IQCH: variants seen among roughly 807,000 people sequenced by gnomAD.
IQCH encodes IQ domain-containing protein H.
Under a neutral mutation model 117.0 loss-of-function variants are expected in IQCH, and 98 were observed. That is an observed-to-expected ratio of 0.84 (90% CI 0.71 to 0.99). IQCH has a LOEUF of 0.99. Ranked by LOEUF, IQCH falls within the 50% of genes least tolerant of loss-of-function variation. IQCH has a pLI of 0.00. For missense variants in IQCH, 1,102 were observed against 1,243.8 expected (o/e 0.89, Z 1.72); for synonymous variants, 412 against 448.2 (o/e 0.92, Z 1.02).
At chr15:67,322,088 T>C (rs896270529) in intron 4 of IQCH, among the ~76,000 whole-genome samples, 7 of 152,260 alleles carry the variant, frequency 4.6e-5, no homozygotes, top group Non-Finnish European at 1.0e-4. Context: ...AAGATTTGTC[T>C]ATTTTTTCCT....
At chr15:67,318,137 A>G (rs573361639) in intron 4 of IQCH, among the ~76,000 whole-genome samples, 4 of 152,150 alleles carry the variant, frequency 2.6e-5, no homozygotes, top group African/African-American at 9.7e-5. Flanking sequence ...CCACCTAGAG[A>G]TAATTATTAT....
chr15:67,320,225 A>C (rs1968050323), intron 4 of IQCH, among the ~76,000 whole-genome samples: 1 of 152,260 alleles, frequency 6.6e-6, no homozygotes, highest in Non-Finnish European at 1.5e-5. Flanking sequence ...GTAAATGAGG[A>C]CCAAACTTTA....
rs1332215748 is a variant in IQCH, at chr15:67,457,563, G to A, written c.2506-7564G>A. On this transcript the variant is annotated intron_variant, in intron 16 of 20. Transcript: ENST00000335894. This position sits in a 1 kb window ranked among gnomAD's most constrained non-coding sequence, Gnocchi z 5.7. ...CTGCTCCCAACAGTCAGATGGGGAA[G>A]AAGTGGTCAGGACCCAAAACAGATT... is the stretch of plus-strand genomic sequence containing the variant. Among the ~76,000 whole-genome samples the A allele has an allele frequency of 1.3e-5, 2 of 152,222 alleles. No individual in the cohort carries two copies. The highest frequency in any genetic ancestry group is 2.4e-5 in the African/African-American group (1 of 41,446).
Position 67,408,450 on chromosome 15 carries a change from C to T in IQCH, c.2097+8145C>T, listed in dbSNP as rs1449509084. The T allele has an allele frequency of 2.6e-5, 4 of 152,126 alleles. No homozygotes were observed. Among genetic ancestry groups the T allele is most frequent in the Admixed American group, 1.3e-4 (2 of 15,254 alleles). The allele number at this position is 152,126 out of a possible 1,614,324, so 9.4% of individuals were successfully genotyped here. A position where few individuals can be genotyped will look rare whatever the true frequency, so the allele number is the denominator to read the frequency against. On this transcript the variant is annotated intron_variant, in intron 14 of 20. Transcript: ENST00000335894. The surrounding 1 kb of genome is among the most constrained non-coding windows in gnomAD (Gnocchi z 4.2). ...CTGACTTTGGAATTCACTAATTTAC[C>T]GTCCTGGTATTTTCACAAGCATGGT...
At chr15:67,348,794 C>T (rs1349460232) in intron 6 of IQCH, among the ~76,000 whole-genome samples, 1 of 152,146 alleles carries the variant, frequency 6.6e-6, no homozygotes, top group African/African-American at 2.4e-5. Flanking sequence ...GGGCAAGGAG[C>T]TACAATAGCT....
chr15:67,449,000 G>A (rs1325472726), intron 16 of IQCH, among the ~76,000 whole-genome samples: 1 of 151,784 alleles, frequency 6.6e-6, no homozygotes, highest in African/African-American at 2.4e-5. Context: ...TTTCATGTGT[G>A]TTTTGGCTGC....
rs2082153466 is a variant in IQCH at position 67,436,967 on chromosome 15, C to A, written c.2505+15390C>A. Among the ~76,000 whole-genome samples the A allele has an allele frequency of 6.6e-6, 1 of 151,750 alleles. No homozygotes were observed. Among genetic ancestry groups the A allele is most frequent in the Non-Finnish European group, 1.5e-5 (1 of 67,962 alleles). On this transcript the variant is annotated intron_variant, in intron 16 of 20. Transcript: ENST00000335894. The surrounding 1 kb of genome is among the most constrained non-coding windows in gnomAD (Gnocchi z 5.1). Reference sequence around the variant, plus strand: ...CCACCTGATGGTCCTTCCCTATCCACCCTGGTAGCAGAAGACAAAGGGCAT... The same window carrying A: ...CCACCTGATGGTCCTTCCCTATCCAACCTGGTAGCAGAAGACAAAGGGCAT...
chr15:67,393,661 A>G lies in IQCH; in HGVS notation c.1633-1630A>G, dbSNP rs1567151414. Among the ~76,000 whole-genome samples the G allele has an allele frequency of 6.6e-6, 1 of 152,112 alleles. No homozygotes were observed. The highest frequency in any genetic ancestry group is 1.9e-4 in the East Asian group (1 of 5,170). On this transcript the variant is annotated intron_variant, in intron 12 of 20. Coordinates refer to ENST00000335894, the MANE Select transcript of IQCH (RefSeq NM_001031715.3). The surrounding 1 kb of genome is among the most constrained non-coding windows in gnomAD (Gnocchi z 5.5). ...TCAGGCTTTTAGTAGCTGGGACCAC[A>G]GGTGTGTACCACCACATACCTGGCT...
In IQCH at chr15:67,494,651, A is replaced by G. The variant is rs190511245; in HGVS notation, c.2970+285A>G. On this transcript the variant is annotated intron_variant, in intron 20 of 20. Coordinates refer to ENST00000335894, the MANE Select transcript of IQCH (RefSeq NM_001031715.3). This position sits in a 1 kb window ranked among gnomAD's most constrained non-coding sequence, Gnocchi z 5.5. Reference sequence around the variant, plus strand: ...TTCTGATGTTGGACGTGAGTCTGAAATGTCACAATGGAACCAAAACAGAGA... The same window carrying G: ...TTCTGATGTTGGACGTGAGTCTGAAGTGTCACAATGGAACCAAAACAGAGA... Among the ~76,000 whole-genome samples the G allele has an allele frequency of 1.3e-5, 2 of 152,214 alleles. No homozygotes were observed. The highest frequency in any genetic ancestry group is 1.3e-4 in the Admixed American group (2 of 15,278).
At position 67,427,829 on chromosome 15, in the gene IQCH, A is replaced by AT. The variant is rs34065535; in HGVS notation, c.2505+6269dup. Among the ~76,000 whole-genome samples, 13,304 of 141,664 alleles carry AT rather than the reference A, an allele frequency of 0.094. 731 individuals are homozygous for AT. The highest frequency in any genetic ancestry group is 0.17 in the South Asian group (745 of 4,412). 92.9% of individuals were successfully genotyped at this position (141,664 alleles called of 152,430 possible). A position where few individuals can be genotyped will look rare whatever the true frequency, so the allele number is the denominator to read the frequency against. On this transcript the variant is annotated intron_variant, in intron 16 of 20. Coordinates refer to ENST00000335894, the MANE Select transcript of IQCH (RefSeq NM_001031715.3). The surrounding 1 kb of genome is among the most constrained non-coding windows in gnomAD (Gnocchi z 4.7). ...CAAGTAGTCTAAATTCCAATAATAG[A>AT]TTTTTTTTTTTTTTTTTGAAGCAGA... is the stretch of plus-strand genomic sequence containing the variant.
chr15:67,372,596 T>C lies in IQCH; in HGVS notation c.1239T>C (p.Thr413=), dbSNP rs1353978731. Residue 413 remains threonine (T), a synonymous_variant, in exon 9 of 21, where the codon ACT becomes ACC. Transcript: ENST00000335894. ...CTTGGCTGTTATATTGCCATAAGAC[T>C]CGACTAAAGAAGATACTAAAGGAAT... ...AIAWLLYCHK[T]RLKKILKESR... The C allele has an allele frequency of 1.9e-6, 3 of 1,613,944 alleles. No homozygotes were observed. Among genetic ancestry groups the C allele is most frequent in the Admixed American group, 1.7e-5 (1 of 59,990 alleles).
intron 8 of IQCH, among the ~76,000 whole-genome samples, chr15:67,367,611 C>G (rs1970380921): frequency 6.6e-6 from 1 of 151,936 alleles, no homozygotes; most frequent in African/African-American, 2.4e-5. Flanking sequence ...CAGGTTGGCT[C>G]TGATGTACAA....
chr15:67,378,059 C>T (rs1244346237), intron 10 of IQCH, among the ~76,000 whole-genome samples: 2 of 152,068 alleles, frequency 1.3e-5, no homozygotes, highest in African/African-American at 2.4e-5. Flanking sequence ...TGTGTGCAAC[C>T]GATCATATGC....
chr15:67,350,461 C>T (rs1388036699), intron 6 of IQCH, among the ~76,000 whole-genome samples: 1 of 152,088 alleles, frequency 6.6e-6, no homozygotes, highest in African/African-American at 2.4e-5. Flanking sequence ...GAGTCTCGCT[C>T]TGTTGCCCAG....
In IQCH at chr15:67,344,110, A is replaced by T. The variant is rs773934235; in HGVS notation, c.556A>T (p.Ile186Phe). ...AGGGCTGATTCCACCAACAGCAAGG[A>T]TTACCTTTCAGAATCCACCCATTAC... ...ERGLIPPTAR[I>F]TFQNPPITPR... is the part of the protein sequence containing the mutation. Residue 186 changes from isoleucine (I) to phenylalanine (F), a missense_variant, in exon 6 of 21, where the codon ATT becomes TTT. This residue lies in a region of IQCH where 452 missense variants were observed against 449.6 expected (regional missense o/e 1.01). Transcript: ENST00000335894. 1.9e-6 allele frequency: 3 copies of T among 1,613,438 alleles called. No homozygotes were observed. In the Admixed American group the frequency reaches 5.0e-5, roughly 27 times the overall value.
intron 8 of IQCH, among the ~76,000 whole-genome samples, chr15:67,361,313 C>G (rs1164519048): frequency 6.6e-6 from 1 of 152,184 alleles, no homozygotes. Context: ...CTTTGCCAGG[C>G]TCTGTTCCTA....
At chr15:67,418,258 G>T (rs1468502200) in intron 15 of IQCH, among the ~76,000 whole-genome samples, 1 of 152,042 alleles carries the variant, frequency 6.6e-6, no homozygotes, top group Non-Finnish European at 1.5e-5. Flanking sequence ...CAGATCTGTT[G>T]GTTATTGGAA....
chr15:67,405,025 G>T lies in IQCH; in HGVS notation c.2097+4720G>T, dbSNP rs1279674302. ...CAACCTTACCACCAATGGATATTAT[G>T]AACTATTTGCACTTTTATTTTAGAT... On this transcript the variant is annotated intron_variant, in intron 14 of 20. Transcript: ENST00000335894. The surrounding 1 kb of genome is among the most constrained non-coding windows in gnomAD (Gnocchi z 4.8). 6.6e-6 allele frequency: 1 copy of T among 152,142 alleles called. No homozygotes were observed. Among genetic ancestry groups the T allele is most frequent in the Non-Finnish European group, 1.5e-5 (1 of 68,014 alleles). The allele number at this position is 152,142 out of a possible 1,614,324, so 9.4% of individuals were successfully genotyped here.
chr15:67,355,961 T>C (rs988802486), intron 6 of IQCH, among the ~76,000 whole-genome samples: 2 of 152,232 alleles, frequency 1.3e-5, no homozygotes, highest in African/African-American at 4.8e-5. Flanking sequence ...CTTTAAAAGT[T>C]ATGCCCACTT....
Sources: gnomAD v4.1 joint callset for allele counts (sites outside exome capture counted in the v4.1 genomes callset) on GRCh38, gnomAD v4.1.1 for gene constraint, gnomAD v4.1.1 regional missense constraint, Gnocchi (gnomAD v3.1) non-coding constraint, MANE v1.5 for transcripts, NCBI Gene and HGNC (gene_info 2026-07-23, HGNC 2026-07-21) for gene names.